Variants in TMED2 observed in about 807,000 individuals in gnomAD.
The protein encoded by TMED2 is transmembrane emp24 domain-containing protein 2.
A neutral mutation model predicts 17.5 loss-of-function variants in TMED2; 3 were observed. The observed-to-expected ratio is 0.17, with a 90% CI of 0.08 to 0.44. The LOEUF (loss-of-function observed/expected upper bound fraction) is 0.44, where lower values mean the gene tolerates loss of function less well. Among genes scored for constraint, TMED2 ranks in the 20% least tolerant of loss-of-function variants. TMED2 has a pLI of 0.99. For synonymous variants in TMED2, 95 were observed against 91.0 expected, an observed-to-expected ratio of 1.04 and a Z score of -0.25; for missense variants, 149 against 254.8, an observed-to-expected ratio of 0.58 and a Z score of 2.83.
At chr12:123,593,367 C>T (rs1953407389) in intron 3 of TMED2, among the ~76,000 whole-genome samples, 1 of 152,320 alleles carries the variant, frequency 6.6e-6, no homozygotes, top group East Asian at 1.9e-4. Context: ...ATTCTCCTGC[C>T]TCAGCCTCCT....
At chr12:123,595,224 C>T (rs1439233582) in intron 3 of TMED2, among the ~76,000 whole-genome samples, 3 of 151,894 alleles carry the variant, frequency 2.0e-5, no homozygotes, top group Admixed American at 6.6e-5. Context: ...GAGACTCTGA[C>T]TCAAAAAAAA....
intron 2 of TMED2, among the ~76,000 whole-genome samples, chr12:123,589,264 GAAT>G (rs1452631070): frequency 6.6e-6 from 1 of 152,206 alleles, no homozygotes; most frequent in Non-Finnish European, 1.5e-5. Context: ...TGTCAAAGAA[GAAT>G]GTTTGAGTTG....
rs533433681 is a variant in TMED2, at chr12:123,598,113, C to A, written c.*1384C>A. 1 of 152,212 alleles carries A rather than the reference C, an allele frequency of 6.6e-6. No homozygotes were observed. The highest frequency in any genetic ancestry group is 2.4e-5 in the African/African-American group (1 of 41,280). The allele number at this position is 152,212 out of a possible 1,614,324, so 9.4% of individuals were successfully genotyped here. A position where few individuals can be genotyped will look rare whatever the true frequency, so the allele number is the denominator to read the frequency against. On this transcript the variant is annotated 3_prime_UTR_variant, in exon 4 of 4. Coordinates refer to ENST00000262225, the MANE Select transcript of TMED2 (RefSeq NM_006815.4). ...GGTTGTATCTAATATGCCCCAGGTT[C>A]GGTAAATAAACAATTCTTTTTAAAA...
chr12:123,584,556 A>C lies in TMED2; in HGVS notation c.-81A>C. On this transcript the variant is annotated 5_prime_UTR_variant, in exon 1 of 4. Coordinates refer to ENST00000262225, the MANE Select transcript of TMED2 (RefSeq NM_006815.4). Reference sequence around the variant, plus strand: ...GGAGCTTAGGCGGCGGTGGCTGAGAAGGCAGCGGGGCGGCGGCGGCGGCGG... The same window carrying C: ...GGAGCTTAGGCGGCGGTGGCTGAGACGGCAGCGGGGCGGCGGCGGCGGCGG... 2.7e-6 allele frequency: 4 copies of C among 1,472,076 alleles called. No homozygotes were observed. The highest frequency in any genetic ancestry group is 3.6e-6 in the Non-Finnish European group (4 of 1,108,700). The allele number at this position is 1,472,076 out of a possible 1,614,324, so 91.2% of individuals were successfully genotyped here.
Position 123,596,714 on chromosome 12 carries a change from C to A in TMED2, c.591C>A (p.Val197=). 6.2e-7 allele frequency: 1 copy of A among 1,607,146 alleles called. No homozygotes were observed. The highest frequency in any genetic ancestry group is 8.5e-7 in the Non-Finnish European group (1 of 1,177,536). ...QIYYLKRFFE[V]RRVV is the part of the protein sequence containing the mutation. ...ACTACCTGAAGAGATTTTTTGAAGT[C>A]CGGAGAGTTGTTTAAAAAGCCTCTT... Residue 197 remains valine (V), a synonymous_variant, in exon 4 of 4, where the codon GTC becomes GTA. Coordinates refer to ENST00000262225, the MANE Select transcript of TMED2 (RefSeq NM_006815.4).
chr12:123,588,943 G>A (rs965374958), intron 2 of TMED2, among the ~76,000 whole-genome samples: 10 of 152,190 alleles, frequency 6.6e-5, no homozygotes, highest in African/African-American at 2.2e-4. Flanking sequence ...TTCAATGGTA[G>A]AGGCCCTTGG....
Position 123,596,766 on chromosome 12 carries a change from T to G in TMED2, c.*37T>G. 6.4e-7 allele frequency: 1 copy of G among 1,565,800 alleles called. No homozygotes were observed. Among genetic ancestry groups the G allele is most frequent in the Non-Finnish European group, 8.6e-7 (1 of 1,158,928 alleles). Reference sequence around the variant, plus strand: ...CTGATGATCCCAACTCAGAATTCACTGTTTACCAAACACCTTGGTCATAAT... The same window carrying G: ...CTGATGATCCCAACTCAGAATTCACGGTTTACCAAACACCTTGGTCATAAT... On this transcript the variant is annotated 3_prime_UTR_variant, in exon 4 of 4. Coordinates refer to ENST00000262225, the MANE Select transcript of TMED2 (RefSeq NM_006815.4).
intron 2 of TMED2, 57 bp from the exon 3 acceptor site, chr12:123,590,285 A>C (rs1359994541): frequency 7.0e-5 from 13 of 184,418 alleles, no homozygotes; most frequent in Non-Finnish European, 1.2e-4. Context: ...ACTCTGTCTC[A>C]AAAAAAAAAA....
At chr12:123,588,045 A>G (rs571718856) in intron 2 of TMED2, among the ~76,000 whole-genome samples, 1 of 152,176 alleles carries the variant, frequency 6.6e-6, no homozygotes, top group African/African-American at 2.4e-5. Context: ...TCTAGGAGCC[A>G]TATGTTGATA....
intron 1 of TMED2, 113 bp downstream of exon 1, chr12:123,584,929 G>C: frequency 1.5e-6 from 2 of 1,339,948 alleles, no homozygotes; most frequent in South Asian, 2.8e-5. Flanking sequence ...GTCGCTGTCC[G>C]AGTCCTGGAG....
At chr12:123,592,762 T>TC (rs1020183664) in intron 3 of TMED2, among the ~76,000 whole-genome samples, 40 of 152,334 alleles carry the variant, frequency 2.6e-4, no homozygotes, top group African/African-American at 9.1e-4. Context: ...GTGTCCCAGG[T>TC]CACTACATTC....
chr12:123,590,812 CGT>C (rs1566165738), intron 3 of TMED2, among the ~76,000 whole-genome samples: 30 of 151,870 alleles, frequency 2.0e-4, no homozygotes, highest in Admixed American at 1.3e-4. Context: ...GGTGAAACCT[CGT>C]CTCTACAAAA....
chr12:123,585,314 C>T (rs1316305380), intron 1 of TMED2, among the ~76,000 whole-genome samples: 4 of 152,126 alleles, frequency 2.6e-5, no homozygotes, highest in Non-Finnish European at 5.9e-5. Flanking sequence ...CATACTTTCG[C>T]GTTGTGTTTA....
rs960181646 is a variant in TMED2 at position 123,597,018 on chromosome 12, C to A, written c.*289C>A. 9 of 183,174 alleles carry A rather than the reference C, an allele frequency of 4.9e-5. No individual in the cohort carries two copies. The highest frequency in any genetic ancestry group is 1.0e-4 in the Non-Finnish European group (9 of 88,610). 11.3% of individuals were successfully genotyped at this position (183,174 alleles called of 1,614,324 possible). A position where few individuals can be genotyped will look rare whatever the true frequency, so the allele number is the denominator to read the frequency against. On this transcript the variant is annotated 3_prime_UTR_variant, in exon 4 of 4. Coordinates refer to ENST00000262225, the MANE Select transcript of TMED2 (RefSeq NM_006815.4). ...TATGGGAGTATAGTTTTTATTATTT[C>A]TTCTTTTCCTTTTGTTTTCATAATA...
At chr12:123,592,836 G>A (rs1205353302) in intron 3 of TMED2, among the ~76,000 whole-genome samples, 3 of 152,146 alleles carry the variant, frequency 2.0e-5, no homozygotes, top group African/African-American at 4.8e-5. Flanking sequence ...TTGGGAGGCC[G>A]AGGCAGGTGG....
intron 3 of TMED2, among the ~76,000 whole-genome samples, chr12:123,593,962 ATTTTTTT>A (rs764283197): frequency 7.3e-6 from 1 of 136,894 alleles, no homozygotes. Flanking sequence ...CACCTGGCTA[ATTTTTTT>A]TTTTTTTTTT....
At chr12:123,586,697 C>T (rs2135658859) in intron 1 of TMED2, 50 bp from the exon 2 acceptor site, 5 of 1,526,826 alleles carry the variant, frequency 3.3e-6, no homozygotes, top group Non-Finnish European at 4.4e-6. Flanking sequence ...CTTATAAAGT[C>T]TATGACTTAA....
At chr12:123,587,595 C>G (rs762519350) in intron 2 of TMED2, 3 of 1,276,842 alleles carry the variant, frequency 2.3e-6, no homozygotes. Context: ...GTTAAGATAT[C>G]TTAACTTTTC....
chr12:123,587,762 A>C (rs2135659891), intron 2 of TMED2: 1 of 709,630 alleles, frequency 1.4e-6, no homozygotes, highest in Non-Finnish European at 1.9e-6. Context: ...AACCCCTACA[A>C]CTAATTGGAT....
Sources: allele counts gnomAD v4.1 joint callset (sites outside exome capture counted in the v4.1 genomes callset), GRCh38; gene constraint gnomAD v4.1.1; transcripts MANE v1.5; gene names NCBI Gene and HGNC (gene_info 2026-07-23, HGNC 2026-07-21).